DENND4C: variants seen among roughly 807,000 people sequenced by gnomAD.
DENND4C encodes DENN domain-containing protein 4C.
DENND4C carries 108 observed loss-of-function variants against 203.0 expected under a neutral mutation model. The ratio of observed to expected loss-of-function variants is 0.53; its 90% confidence interval spans 0.46 to 0.62. The LOEUF is 0.62. DENND4C is among the 20% of genes least tolerant of loss of function. The probability of loss-of-function intolerance (pLI) is 0.00; values close to 1 mark genes in which losing one functional copy is unlikely to be tolerated. For synonymous variants in DENND4C, 871 were observed against 792.4 expected (o/e 1.10, Z -1.67); for missense variants, 2,481 against 2,301.2 (o/e 1.08, Z -1.60).
intron 30 of DENND4C, among the ~76,000 whole-genome samples, chr9:19,362,622 CAACTG>C (rs1324821197): frequency 6.6e-6 from 1 of 151,858 alleles, no homozygotes; most frequent in Non-Finnish European, 1.5e-5. Context: ...TGACGGGTCT[CAACTG>C]AGTTGAGTAA....
At chr9:19,273,497 C>G (rs770044752) in intron 1 of DENND4C, among the ~76,000 whole-genome samples, 3 of 151,924 alleles carry the variant, frequency 2.0e-5, no homozygotes, top group East Asian at 1.9e-4. Context: ...AATAAAAACA[C>G]AAGCCGCAGA....
At chr9:19,231,234 T>A (rs916542089) in intron 1 of DENND4C, among the ~76,000 whole-genome samples, 5 of 150,046 alleles carry the variant, frequency 3.3e-5, no homozygotes, top group African/African-American at 9.9e-5. Flanking sequence ...CCAGAGGGGG[T>A]CGAGGCTGAG....
Position 19,331,590 on chromosome 9 carries a change from T to C in DENND4C, c.2254-388T>C, listed in dbSNP as rs1015786291. Reference sequence around the variant, plus strand: ...ACAGAGTGGAAATCTTGGCAGGAGATAGCCTAGAGCATCTTAAACTTTAGT... The same window carrying C: ...ACAGAGTGGAAATCTTGGCAGGAGACAGCCTAGAGCATCTTAAACTTTAGT... On this transcript the variant is annotated intron_variant, in intron 16 of 32. Transcript: ENST00000434457. Among the ~76,000 whole-genome samples, 7 of 152,144 alleles carry C rather than the reference T, an allele frequency of 4.6e-5. No homozygotes were observed. The East Asian group carries it at 1.3e-3, about 29-fold the overall frequency.
intron 20 of DENND4C, among the ~76,000 whole-genome samples, chr9:19,338,287 G>A (rs1022241413): frequency 3.3e-5 from 5 of 151,854 alleles, no homozygotes; most frequent in South Asian, 2.1e-4. Flanking sequence ...ATATTTTTTT[G>A]TATGAAAACG....
intron 12 of DENND4C, among the ~76,000 whole-genome samples, chr9:19,319,773 A>C (rs1030443847): frequency 1.3e-5 from 2 of 152,124 alleles, no homozygotes; most frequent in Admixed American, 6.6e-5. Flanking sequence ...AATACTAACT[A>C]TCTTAATAAG....
intron 23 of DENND4C, among the ~76,000 whole-genome samples, chr9:19,347,835 A>G (rs1016078467): frequency 1.3e-5 from 2 of 152,210 alleles, no homozygotes; most frequent in African/African-American, 4.8e-5. Flanking sequence ...TAATCTCCTT[A>G]ATACATATGA....
At chr9:19,292,959 A>G (rs761929352) in intron 5 of DENND4C, among the ~76,000 whole-genome samples, 3 of 152,264 alleles carry the variant, frequency 2.0e-5, no homozygotes, top group African/African-American at 4.8e-5. Context: ...TTCTACAGGT[A>G]CAGGCTACAC....
intron 1 of DENND4C, among the ~76,000 whole-genome samples, chr9:19,270,847 A>G (rs764507239): frequency 5.3e-5 from 8 of 152,250 alleles, no homozygotes; most frequent in Non-Finnish European, 1.2e-4. Context: ...TAGAATCTAC[A>G]AAATTGCTCT....
At chr9:19,274,876 CTCCTGTAACT>C (rs1262244807) in intron 1 of DENND4C, among the ~76,000 whole-genome samples, 2 of 152,152 alleles carry the variant, frequency 1.3e-5, no homozygotes, top group African/African-American at 4.8e-5. Flanking sequence ...AGCTCTAAGA[CTCCTGTAACT>C]TAAAAGAGAA....
chr9:19,349,250 A>G (rs535480805), intron 23 of DENND4C, among the ~76,000 whole-genome samples: 2 of 152,218 alleles, frequency 1.3e-5, no homozygotes, highest in East Asian at 3.9e-4. Flanking sequence ...ATACAAAAAA[A>G]TACAAAAATT....
intron 1 of DENND4C, among the ~76,000 whole-genome samples, chr9:19,260,944 C>A (rs1829201608): frequency 6.6e-6 from 1 of 152,120 alleles, no homozygotes; most frequent in Non-Finnish European, 1.5e-5. Context: ...TTTCCCCAGA[C>A]CAGTGTCCTG....
intron 1 of DENND4C, among the ~76,000 whole-genome samples, chr9:19,272,887 C>T (rs568786010): frequency 2.0e-5 from 3 of 151,136 alleles, no homozygotes; most frequent in African/African-American, 7.4e-5. Context: ...CCTGTCTCAG[C>T]CTCCTGAGTA....
Position 19,337,865 on chromosome 9 carries a change from G to A in DENND4C, c.2881+1033G>A, listed in dbSNP as rs187452928. ...TTTTTATGGTCAGTTTGCAAAGCAT[G>A]TTTGTTATCTTATTTGAAAATATAT... On this transcript the variant is annotated intron_variant, in intron 20 of 32. Transcript: ENST00000434457. 2.1e-3 allele frequency among the ~76,000 whole-genome samples: 314 copies of A among 152,262 alleles called. 6 individuals carry two copies. Among genetic ancestry groups the A allele is most frequent in the Admixed American group, 0.019 (296 of 15,284 alleles).
chr9:19,252,322 C>T (rs1826829485), intron 1 of DENND4C, among the ~76,000 whole-genome samples: 1 of 152,166 alleles, frequency 6.6e-6, no homozygotes, highest in Admixed American at 6.6e-5. Flanking sequence ...ATTCAATTAC[C>T]TCTCACCAGG....
intron 17 of DENND4C, among the ~76,000 whole-genome samples, chr9:19,332,955 T>G (rs771229404): frequency 4.0e-5 from 6 of 150,736 alleles, no homozygotes; most frequent in Non-Finnish European, 7.4e-5. Context: ...AGGCTTTTAG[T>G]AAGTGGCTCT....
chr9:19,320,418 C>T (rs1359819499), intron 12 of DENND4C, among the ~76,000 whole-genome samples: 3 of 152,116 alleles, frequency 2.0e-5, no homozygotes, highest in Admixed American at 6.6e-5. Flanking sequence ...AGACTGGTCT[C>T]GAACTCCTGA....
chr9:19,344,754 C>A (rs557803800), intron 22 of DENND4C, among the ~76,000 whole-genome samples: 22 of 152,242 alleles, frequency 1.4e-4, no homozygotes, highest in African/African-American at 5.1e-4. Flanking sequence ...CCGCCTGCCT[C>A]AGCCTCCCAA....
chr9:19,327,821 A>G (rs1402655689), intron 15 of DENND4C, among the ~76,000 whole-genome samples: 1 of 152,134 alleles, frequency 6.6e-6, no homozygotes, highest in East Asian at 1.9e-4. Flanking sequence ...TGAAAATAAC[A>G]AATAGGGTGG....
At position 19,346,502 on chromosome 9, in the gene DENND4C, G is replaced by C; in HGVS notation, c.3733G>C (p.Asp1245His). The C allele has an allele frequency of 6.2e-7, 1 of 1,614,174 alleles. No individual in the cohort carries two copies. The change falls in exon 23 of 33, where the codon GAT becomes CAT. Residue 1245 changes from aspartate to histidine, a missense_variant. By Grantham distance (81) the Asp-to-His change is moderately conservative. Coordinates refer to ENST00000434457, the MANE Select transcript of DENND4C (RefSeq NM_001330640.2). ...YGIAKVVQRE[D>H]VETGLDPLSL... Reference sequence around the variant, plus strand: ...TATTGCTAAGGTGGTTCAGAGGGAAGATGTTGAAACTGGACTAGATCCTTT... The same window carrying C: ...TATTGCTAAGGTGGTTCAGAGGGAACATGTTGAAACTGGACTAGATCCTTT...
Sources: allele counts gnomAD v4.1 joint callset (sites outside exome capture counted in the v4.1 genomes callset), GRCh38; gene constraint gnomAD v4.1.1; transcripts MANE v1.5; gene names NCBI Gene and HGNC (gene_info 2026-07-23, HGNC 2026-07-21).